Variants in GTF3C5 observed in about 807,000 individuals in gnomAD.
GTF3C5 encodes the protein general transcription factor 3C polypeptide 5.
Under a neutral mutation model 61.0 loss-of-function variants are expected in GTF3C5, and 47 were observed. The observed-to-expected ratio is 0.77, with a 90% CI of 0.61 to 0.98. The LOEUF (loss-of-function observed/expected upper bound fraction) is 0.98. Ranked by LOEUF, GTF3C5 falls within the 50% of genes least tolerant of loss-of-function variation. GTF3C5 has a pLI of 0.00. For missense variants in GTF3C5, 659 were observed against 703.3 expected, an observed-to-expected ratio of 0.94 and a Z score of 0.71; for synonymous variants, 295 against 275.4, an observed-to-expected ratio of 1.07 and a Z score of -0.71.
chr9:133,038,450 C>CTTT (rs1185522066), intron 1 of GTF3C5, among the ~76,000 whole-genome samples: 2 of 129,770 alleles, frequency 1.5e-5, no homozygotes, highest in Admixed American at 7.8e-5. Flanking sequence ...CCCCTAGGAG[C>CTTT]TTTTTTTTTT....
At chr9:133,055,892 G>C in intron 8 of GTF3C5, 120 bp from the exon 9 acceptor site, 1 of 1,479,248 alleles carries the variant, frequency 6.8e-7, no homozygotes, top group Non-Finnish European at 9.0e-7. Context: ...TGCCCAACCT[G>C]CTCCTGGTGA....
intron 8 of GTF3C5, 72 bp from the exon 9 acceptor site, chr9:133,055,940 A>G: frequency 1.9e-6 from 3 of 1,602,072 alleles, no homozygotes; most frequent in Non-Finnish European, 1.7e-6. Context: ...GGGAGCCTAC[A>G]TGGAGTCTGC....
chr9:133,033,769 G>T (rs1046375008), intron 1 of GTF3C5, among the ~76,000 whole-genome samples: 2 of 152,210 alleles, frequency 1.3e-5, no homozygotes, highest in African/African-American at 2.4e-5. Context: ...AATCACTTTT[G>T]TTTAAAGTGC....
At chr9:133,051,018 T>A (rs769053089) in intron 4 of GTF3C5, 40 bp downstream of exon 4, 3 of 1,475,246 alleles carry the variant, frequency 2.0e-6, no homozygotes, top group Non-Finnish European at 2.7e-6. Flanking sequence ...GGCTCCAGCC[T>A]CTCTGTTGGC....
chr9:133,043,127 A>C (rs1226384700), intron 2 of GTF3C5, among the ~76,000 whole-genome samples: 1 of 152,210 alleles, frequency 6.6e-6, no homozygotes, highest in East Asian at 1.9e-4. Context: ...AAGAAAGTGA[A>C]ATGAAGGAGA....
chr9:133,056,232 C>T (rs980204162), intron 9 of GTF3C5, 138 bp downstream of exon 9: 15 of 703,802 alleles, frequency 2.1e-5, no homozygotes, highest in South Asian at 7.2e-5. Flanking sequence ...TTGGTGCTGC[C>T]GAGAGCCCTG....
chr9:133,057,710 G>C lies in GTF3C5; in HGVS notation c.1394-104G>C. The C allele has an allele frequency of 3.7e-6, 4 of 1,091,904 alleles. No homozygotes were observed. In the South Asian group the frequency reaches 6.6e-5, roughly 18 times the overall value. 67.6% of individuals were successfully genotyped at this position (1,091,904 alleles called of 1,614,324 possible). ...ACCAGCTTCTTAAGAGCTCGAGCTC[G>C]GACCCTTATAGTAGTAAACAGGCTC... is the stretch of plus-strand genomic sequence containing the variant. On this transcript the variant is annotated intron_variant, in intron 10 of 10. Transcript: ENST00000372097.
At chr9:133,033,361 C>T (rs985346823) in intron 1 of GTF3C5, among the ~76,000 whole-genome samples, 1 of 152,136 alleles carries the variant, frequency 6.6e-6, no homozygotes, top group Admixed American at 6.5e-5. Flanking sequence ...GGTACCGCTC[C>T]AGTTACTTGG....
upstream of GTF3C5, chr9:133,030,964 G>A: frequency 6.2e-7 from 1 of 1,603,792 alleles, no homozygotes. Flanking sequence ...AGGCCTTTGG[G>A]AGTACTTTGT....
chr9:133,042,277 G>T lies in GTF3C5; in HGVS notation c.344G>T (p.Gly115Val). The T allele has an allele frequency of 6.2e-7, 1 of 1,609,046 alleles. No homozygotes were observed. Among genetic ancestry groups the T allele is most frequent in the Non-Finnish European group, 8.5e-7 (1 of 1,175,312 alleles). The stretch of plus-strand genomic sequence containing the variant: ...GTCACATTTGACATGGAGATCCTTG[G>T]CATCATCTCCACCATTTACAAATTT... ...SEVTFDMEIL[G>V]IISTIYKFQG... The change falls in exon 2 of 11, where the codon GGC becomes GTC. Residue 115 changes from glycine (G) to valine (V), a missense_variant. Coordinates refer to ENST00000372097, the MANE Select transcript of GTF3C5 (RefSeq NM_012087.4).
chr9:133,057,046 A>G (rs1285942322), intron 10 of GTF3C5, 138 bp downstream of exon 10: 6 of 826,202 alleles, frequency 7.3e-6, no homozygotes, highest in Non-Finnish European at 1.1e-5. Context: ...TGGGAGGAGG[A>G]CATTGTGAGC....
intron 8 of GTF3C5, chr9:133,055,092 AG>A (rs1829890274): frequency 6.5e-7 from 1 of 1,550,030 alleles, no homozygotes; most frequent in Non-Finnish European, 8.7e-7. Flanking sequence ...GCCCTTTGGG[AG>A]CCTGGGCCCC....
intron 1 of GTF3C5, among the ~76,000 whole-genome samples, chr9:133,038,454 T>C (rs1345148346): frequency 6.7e-6 from 1 of 148,930 alleles, no homozygotes; most frequent in African/African-American, 2.5e-5. Flanking sequence ...TAGGAGCTTT[T>C]TTTTTTTTTT....
intron 1 of GTF3C5, among the ~76,000 whole-genome samples, chr9:133,039,305 A>G (rs1423938340): frequency 1.3e-5 from 2 of 152,216 alleles, no homozygotes; most frequent in African/African-American, 4.8e-5. Context: ...TTTAAGAAAA[A>G]AGGAAAAAAA....
intron 3 of GTF3C5, among the ~76,000 whole-genome samples, chr9:133,047,411 A>G (rs1850239206): frequency 2.6e-5 from 4 of 152,194 alleles, no homozygotes; most frequent in Admixed American, 6.5e-5. Flanking sequence ...ACTAAAAAGA[A>G]TCAAGTCACT....
chr9:133,034,709 C>T (rs1016700751), intron 1 of GTF3C5, among the ~76,000 whole-genome samples: 6 of 152,122 alleles, frequency 3.9e-5, no homozygotes, highest in Admixed American at 2.6e-4. Context: ...TTGATGAGAA[C>T]GTGATCCCCA....
intron 1 of GTF3C5, among the ~76,000 whole-genome samples, chr9:133,039,097 A>G (rs1374434412): frequency 6.6e-6 from 1 of 152,194 alleles, no homozygotes; most frequent in Non-Finnish European, 1.5e-5. Flanking sequence ...GAGGTCACAC[A>G]GCAAGTGGGG....
At chr9:133,042,484 A>G (rs886365075) in intron 2 of GTF3C5, among the ~76,000 whole-genome samples, 178 bp downstream of exon 2, 1 of 152,232 alleles carries the variant, frequency 6.6e-6, no homozygotes, top group Non-Finnish European at 1.5e-5. Context: ...CCTCCAGCCA[A>G]CAGTTCCCCA....
chr9:133,056,612 C>T (rs1829946124), intron 9 of GTF3C5, among the ~76,000 whole-genome samples, 154 bp from the exon 10 acceptor site: 1 of 152,200 alleles, frequency 6.6e-6, no homozygotes, highest in South Asian at 2.1e-4. Context: ...GCTGGGAACA[C>T]ACAGCTTGTG....
Sources: allele counts gnomAD v4.1 joint callset (sites outside exome capture counted in the v4.1 genomes callset), GRCh38; gene constraint gnomAD v4.1.1; transcripts MANE v1.5; gene names NCBI Gene and HGNC (gene_info 2026-07-23, HGNC 2026-07-21).